GARIN5A: variants seen among roughly 807,000 people sequenced by gnomAD.
GARIN5A encodes golgi associated RAB2 interactor 5A.
the GARIN5A span, among the ~76,000 whole-genome samples, chr19:50,472,408 C>A: frequency 6.6e-6 from 1 of 151,892 alleles, no homozygotes; most frequent in Non-Finnish European, 1.5e-5. Flanking sequence ...GGAGGTGAGT[C>A]CTGAGGCCAA....
chr19:50,471,936 G>GTGTAAGTATATATACATGTA, the GARIN5A span, among the ~76,000 whole-genome samples: 1 of 147,712 alleles, frequency 6.8e-6, no homozygotes, highest in Admixed American at 6.7e-5. Flanking sequence ...ACATGTATGT[G>GTGTAAGTATATATACATGTA]TGTAAGTATA....
the GARIN5A span, among the ~76,000 whole-genome samples, chr19:50,471,786 G>A: frequency 5.3e-4 from 79 of 147,784 alleles, 1 homozygote; most frequent in South Asian, 0.016. Flanking sequence ...GTGTGTATAC[G>A]CATACATGCA....
At chr19:50,471,920 G>A in the GARIN5A span, among the ~76,000 whole-genome samples, 1 of 150,320 alleles carries the variant, frequency 6.7e-6, no homozygotes, top group African/African-American at 2.5e-5. Context: ...GTGTATATGT[G>A]TATATACATG....
At chr19:50,476,073 T>A in the GARIN5A span, 2 of 1,609,350 alleles carry the variant, frequency 1.2e-6, no homozygotes, top group African/African-American at 1.3e-5. Flanking sequence ...GCCGGCCCCA[T>A]CCTACTTGGT....
At chr19:50,467,811 G>A in the GARIN5A span, 150 of 1,613,054 alleles carry the variant, frequency 9.3e-5, 1 homozygote, top group Middle Eastern at 1.6e-4. Context: ...AGAGCTGGAC[G>A]AACTTCAAGG....
the GARIN5A span, chr19:50,475,645 G>A: frequency 4.4e-6 from 3 of 682,894 alleles, no homozygotes; most frequent in Non-Finnish European, 7.4e-6. Context: ...ACTGAGGCAA[G>A]GGAGTTACAG....
the GARIN5A span, chr19:50,476,599 G>C: frequency 6.4e-7 from 1 of 1,570,550 alleles, no homozygotes; most frequent in South Asian, 1.1e-5. Flanking sequence ...GCTGATGGCG[G>C]TAGCAGCGCC....
At chr19:50,475,337 A>T in the GARIN5A span, 8 of 1,595,218 alleles carry the variant, frequency 5.0e-6, no homozygotes, top group Middle Eastern at 2.0e-4. Context: ...GAAGAGTTGC[A>T]GGTGTCCGTT....
the GARIN5A span, chr19:50,475,903 TGGAGCCGTCTG>T: frequency 6.2e-7 from 1 of 1,613,908 alleles, no homozygotes; most frequent in Non-Finnish European, 8.5e-7. Context: ...GAGGTAGCGT[TGGAGCCGTCTG>T]GGACGGCCCG....
chr19:50,473,814 C>A, the GARIN5A span, among the ~76,000 whole-genome samples: 1 of 152,086 alleles, frequency 6.6e-6, no homozygotes, highest in East Asian at 1.9e-4. Context: ...TGGTGAAACC[C>A]CGTCTCTACT....
At chr19:50,467,820 G>A in the GARIN5A span, 21 of 1,613,040 alleles carry the variant, frequency 1.3e-5, no homozygotes, top group Non-Finnish European at 1.5e-5. Context: ...CGAACTTCAA[G>A]GGGAACAGCC....
the GARIN5A span, among the ~76,000 whole-genome samples, chr19:50,471,718 ACG>A: frequency 2.0e-5 from 3 of 147,982 alleles, no homozygotes; most frequent in Non-Finnish European, 3.0e-5. Flanking sequence ...GTGTGTGTAT[ACG>A]CATACATGCA....
At chr19:50,475,394 G>A in the GARIN5A span, 1 of 1,611,084 alleles carries the variant, frequency 6.2e-7, no homozygotes, top group South Asian at 1.1e-5. Flanking sequence ...GAGCTCCAGG[G>A]CTGGACTGGA....
chr19:50,467,114 C>T, the GARIN5A span, among the ~76,000 whole-genome samples: 1 of 152,272 alleles, frequency 6.6e-6, no homozygotes, highest in Non-Finnish European at 1.5e-5. Flanking sequence ...GCATCATCCC[C>T]TGCTCCACCT....
the GARIN5A span, among the ~76,000 whole-genome samples, chr19:50,471,714 GTATA>G: frequency 8.0e-3 from 1,209 of 150,200 alleles, 63 homozygotes; most frequent in African/African-American, 0.027. Flanking sequence ...GCACGTGTGT[GTATA>G]CGCATACATG....
At chr19:50,476,074 C>T in the GARIN5A span, 3 of 1,609,574 alleles carry the variant, frequency 1.9e-6, no homozygotes, top group Non-Finnish European at 2.5e-6. Context: ...CCGGCCCCAT[C>T]CTACTTGGTT....
chr19:50,475,358 G>A, the GARIN5A span: 1 of 1,605,990 alleles, frequency 6.2e-7, no homozygotes, highest in Non-Finnish European at 8.5e-7. Flanking sequence ...CTCCTTGGCA[G>A]GGCCGGCCAG....
At chr19:50,470,890 G>A in the GARIN5A span, among the ~76,000 whole-genome samples, 26 of 151,524 alleles carry the variant, frequency 1.7e-4, no homozygotes, top group Admixed American at 7.2e-4. Flanking sequence ...TCCTGACCTC[G>A]TGATCCACCC....
At chr19:50,474,794 C>G in the GARIN5A span, among the ~76,000 whole-genome samples, 2 of 152,100 alleles carry the variant, frequency 1.3e-5, no homozygotes, top group South Asian at 4.1e-4. Flanking sequence ...ATCTGCATTA[C>G]TTTTTCAATG....
Sources: allele counts gnomAD v4.1 joint callset (sites outside exome capture counted in the v4.1 genomes callset), GRCh38; gene constraint gnomAD v4.1.1; transcripts MANE v1.5; gene names NCBI Gene and HGNC (gene_info 2026-07-23, HGNC 2026-07-21).